The following ARMH3 variants were observed in gnomAD, a reference collection of about 807,000 sequenced individuals.
The protein encoded by ARMH3 is armadillo like helical domain containing 3, also known as armadillo-like helical domain-containing protein 3.
A neutral mutation model predicts 99.1 loss-of-function variants in ARMH3; 60 were observed. That is an observed-to-expected ratio of 0.61 (90% CI 0.49 to 0.75). The LOEUF is 0.75. ARMH3 is among the 30% of genes least tolerant of loss of function. ARMH3 has a pLI of 0.00. For missense variants in ARMH3, 679 were observed against 843.1 expected (o/e 0.81, Z 2.41); for synonymous variants, 285 against 292.8 (o/e 0.97, Z 0.27).
At chr10:102,049,195 T>C (rs2067630865) in intron 1 of ARMH3, among the ~76,000 whole-genome samples, 1 of 152,168 alleles carries the variant, frequency 6.6e-6, no homozygotes, top group African/African-American at 2.4e-5. Flanking sequence ...AATAACCCCT[T>C]TCTATTTTAA....
rs576534365 is a variant in ARMH3, at chr10:101,981,982, A to G, written c.1407-6682T>C. On this transcript the variant is annotated intron_variant, in intron 19 of 25. Coordinates refer to ENST00000370033, the MANE Select transcript of ARMH3 (RefSeq NM_024541.3). ...GCTTGCAGTGAGCCAAGATCGCACC[A>G]CTGCACTCCAGCCTGGGCGACAGAG... 2.2e-3 allele frequency among the ~76,000 whole-genome samples: 314 copies of G among 143,378 alleles called. 1 individual carries two copies. The highest frequency in any genetic ancestry group is 7.6e-3 in the African/African-American group (300 of 39,234). The allele number at this position is 143,378 out of a possible 152,430, so 94.1% of individuals were successfully genotyped here.
intron 1 of ARMH3, 85 bp from the exon 2 acceptor site, chr10:102,040,210 A>G (rs1164363909): frequency 3.4e-6 from 4 of 1,167,256 alleles, no homozygotes; most frequent in Non-Finnish European, 5.1e-6. Flanking sequence ...CATTTGTCCA[A>G]GCCCATAGAA....
intron 24 of ARMH3, among the ~76,000 whole-genome samples, chr10:101,888,510 T>C (rs1834344244): frequency 6.6e-6 from 1 of 152,194 alleles, no homozygotes; most frequent in African/African-American, 2.4e-5. Flanking sequence ...CTGGGAGAAC[T>C]GAATAGCTTT....
chr10:102,034,418 C>T (rs1412799449), intron 2 of ARMH3, among the ~76,000 whole-genome samples: 2 of 151,832 alleles, frequency 1.3e-5, no homozygotes, highest in Non-Finnish European at 2.9e-5. Context: ...GGGCAGATCA[C>T]GAGGTCAGGA....
chr10:102,034,954 A>T (rs2067215462), intron 2 of ARMH3, among the ~76,000 whole-genome samples: 1 of 151,930 alleles, frequency 6.6e-6, no homozygotes, highest in Non-Finnish European at 1.5e-5. Flanking sequence ...ATAAGTAAAT[A>T]GGCCAGGCAC....
chr10:101,952,441 G>A (rs1218457096), intron 22 of ARMH3, among the ~76,000 whole-genome samples: 2 of 152,054 alleles, frequency 1.3e-5, no homozygotes, highest in African/African-American at 2.4e-5. Context: ...AATGTAATGT[G>A]GTAACATGGA....
intron 19 of ARMH3, among the ~76,000 whole-genome samples, chr10:101,979,445 T>C (rs1846140683): frequency 6.6e-6 from 1 of 152,202 alleles, no homozygotes; most frequent in Non-Finnish European, 1.5e-5. Flanking sequence ...AAAGTAGATT[T>C]TTTAATTTTT....
At position 101,968,576 on chromosome 10, in the gene ARMH3, A is replaced by G. The variant is rs371587525; in HGVS notation, c.1495+6636T>C. Among the ~76,000 whole-genome samples the G allele has an allele frequency of 7.9e-5, 12 of 152,348 alleles. No individual in the cohort carries two copies. The East Asian group carries it at 1.7e-3, about 22-fold the overall frequency. ...AATGCTCATGGGCCTATGAGAGTTGACATTTTTCTGGATAGGAAGTGACTG... is the reference window on the plus strand; with the variant it reads ...AATGCTCATGGGCCTATGAGAGTTGGCATTTTTCTGGATAGGAAGTGACTG... On this transcript the variant is annotated intron_variant, in intron 20 of 25. Transcript: ENST00000370033.
chr10:101,905,292 A>G (rs2068076758), intron 23 of ARMH3, among the ~76,000 whole-genome samples: 1 of 152,190 alleles, frequency 6.6e-6, no homozygotes, highest in Non-Finnish European at 1.5e-5. Flanking sequence ...CTATCCACCC[A>G]TTCACTCAAC....
chr10:102,001,355 C>G (rs1472939323), intron 15 of ARMH3, among the ~76,000 whole-genome samples: 2 of 152,042 alleles, frequency 1.3e-5, no homozygotes, highest in Non-Finnish European at 2.9e-5. Flanking sequence ...CTTCTCAATC[C>G]TAGGACAACT....
At chr10:102,006,732 A>G in intron 13 of ARMH3, 99 bp from the exon 14 acceptor site, 2 of 1,177,014 alleles carry the variant, frequency 1.7e-6, no homozygotes, top group South Asian at 1.4e-5. Flanking sequence ...TGGACCTTAT[A>G]ATTTTTTTTT....
intron 23 of ARMH3, among the ~76,000 whole-genome samples, chr10:101,923,625 C>T (rs571918699): frequency 6.6e-6 from 1 of 152,338 alleles, no homozygotes; most frequent in East Asian, 1.9e-4. Flanking sequence ...AATTCTCCCA[C>T]CTACTCTCAC....
rs59124276 is a variant in ARMH3, at chr10:102,041,090, AATATATATAT to A, written c.-11-975_-11-966del. ...ATTGTGTGTACATATATATATATATAATATATATATATATATATATATGTAGGTAAAACAC... is the reference window on the plus strand; with the variant it reads ...ATTGTGTGTACATATATATATATATAATATATATATATGTAGGTAAAACAC... On this transcript the variant is annotated intron_variant, in intron 1 of 25. Coordinates refer to ENST00000370033, the MANE Select transcript of ARMH3 (RefSeq NM_024541.3). Among the ~76,000 whole-genome samples, 3 of 132,640 alleles carry A rather than the reference AATATATATAT, an allele frequency of 2.3e-5. 1 individual carries two copies. Among genetic ancestry groups the A allele is most frequent in the South Asian group, 4.8e-4 (2 of 4,162 alleles). 87.0% of individuals were successfully genotyped at this position (132,640 alleles called of 152,430 possible). A position where few individuals can be genotyped will look rare whatever the true frequency, so the allele number is the denominator to read the frequency against.
chr10:101,951,368 G>A (rs145159776), intron 22 of ARMH3, among the ~76,000 whole-genome samples: 102 of 152,018 alleles, frequency 6.7e-4, no homozygotes, highest in African/African-American at 2.2e-3. Context: ...CCAAGAGTTC[G>A]AGACCTGCCT....
At chr10:102,008,295 C>T (rs764445232) in intron 13 of ARMH3, among the ~76,000 whole-genome samples, 3 of 152,080 alleles carry the variant, frequency 2.0e-5, no homozygotes, top group Non-Finnish European at 2.9e-5. Context: ...ATACATCTAC[C>T]CTTTGAGAAA....
chr10:102,011,845 C>T, intron 10 of ARMH3, 62 bp from the exon 11 acceptor site: 2 of 1,404,656 alleles, frequency 1.4e-6, no homozygotes, highest in Non-Finnish European at 2.0e-6. Flanking sequence ...TTGTCCTTGA[C>T]ATTTGGGGTA....
At chr10:101,901,328 G>A (rs2067972632) in intron 23 of ARMH3, among the ~76,000 whole-genome samples, 1 of 151,690 alleles carries the variant, frequency 6.6e-6, no homozygotes, top group African/African-American at 2.4e-5. Context: ...AAAAGACACG[G>A]AAACAGGCTT....
intron 23 of ARMH3, among the ~76,000 whole-genome samples, chr10:101,892,960 G>A (rs1400122771): frequency 3.3e-5 from 5 of 152,196 alleles, no homozygotes; most frequent in Non-Finnish European, 7.3e-5. Flanking sequence ...TTAAGGCTGA[G>A]GTTTGCTCTA....
chr10:102,002,589 T>C (rs185576326), intron 14 of ARMH3, among the ~76,000 whole-genome samples: 12 of 152,170 alleles, frequency 7.9e-5, no homozygotes, highest in African/African-American at 2.4e-4. Flanking sequence ...AAGGCAGAAC[T>C]ATATTCAAAT....
Sources: gnomAD v4.1 joint callset for allele counts (sites outside exome capture counted in the v4.1 genomes callset) on GRCh38, gnomAD v4.1.1 for gene constraint, MANE v1.5 for transcripts, NCBI Gene and HGNC (gene_info 2026-07-23, HGNC 2026-07-21) for gene names.